Variants in PCNX2 observed in about 807,000 individuals in gnomAD.
PCNX2 encodes the protein pecanex 2.
PCNX2 carries 168 observed loss-of-function variants against 223.8 expected under a neutral mutation model. The observed-to-expected ratio is 0.75, with a 90% confidence interval of 0.66 to 0.85. The LOEUF is 0.85. PCNX2 is among the 40% of genes least tolerant of loss of function. The probability of loss-of-function intolerance (pLI) is 0.00; values close to 1 mark genes in which losing one functional copy is unlikely to be tolerated. For synonymous variants in PCNX2, 1,006 were observed against 1,052.6 expected (o/e 0.96, Z 0.86); for missense variants, 2,507 against 2,675.5 (o/e 0.94, Z 1.39).
At chr1:233,009,095 C>G (rs978339980) in intron 28 of PCNX2, among the ~76,000 whole-genome samples, 1 of 152,178 alleles carries the variant, frequency 6.6e-6, no homozygotes, top group African/African-American at 2.4e-5. Flanking sequence ...GAGACTCGCA[C>G]AAATCACTTC....
At chr1:233,182,388 G>T (rs765176499) in intron 15 of PCNX2, among the ~76,000 whole-genome samples, 71 of 152,134 alleles carry the variant, frequency 4.7e-4, no homozygotes, top group Middle Eastern at 3.4e-3. Flanking sequence ...CTTGTCCCAG[G>T]ACTACTGTTA....
chr1:233,275,135 T>C (rs1167880185), intron 1 of PCNX2, among the ~76,000 whole-genome samples: 1 of 152,190 alleles, frequency 6.6e-6, no homozygotes, highest in Non-Finnish European at 1.5e-5. Context: ...TTTGCTAGTG[T>C]TAGAATTTCA....
At chr1:233,037,860 G>C (rs1215677543) in intron 25 of PCNX2, among the ~76,000 whole-genome samples, 4 of 152,186 alleles carry the variant, frequency 2.6e-5, no homozygotes, top group African/African-American at 9.6e-5. Flanking sequence ...TTTTAAATGT[G>C]TTATAATACC....
At chr1:233,295,743 T>A (rs1241520784), upstream of PCNX2, 3 of 352,300 alleles carry the variant, frequency 8.5e-6, no homozygotes, top group African/African-American at 4.3e-5. The surrounding 1 kb of genome is among the most constrained non-coding windows in gnomAD (Gnocchi z 4.1). Context: ...TTTCCCATCG[T>A]GCTCAGAGGC....
chr1:233,074,835 T>C (rs923763283), intron 23 of PCNX2, among the ~76,000 whole-genome samples: 1 of 151,994 alleles, frequency 6.6e-6, no homozygotes, highest in Non-Finnish European at 1.5e-5. Context: ...TCAAAATCAT[T>C]TGCCATTAAG....
chr1:233,168,763 C>T (rs1343276356), intron 17 of PCNX2, among the ~76,000 whole-genome samples: 1 of 152,010 alleles, frequency 6.6e-6, no homozygotes, highest in Non-Finnish European at 1.5e-5. Context: ...AAGCATTTCA[C>T]AATCCTTGAT....
Position 232,991,478 on chromosome 1 carries a change from A to G in PCNX2, c.5792-4938T>C, listed in dbSNP as rs1369741057. Among the ~76,000 whole-genome samples the G allele has an allele frequency of 6.6e-6, 1 of 151,994 alleles. No individual in the cohort carries two copies. Among genetic ancestry groups the G allele is most frequent in the East Asian group, 1.9e-4 (1 of 5,174 alleles). ...GCGCGTGGGTGTTCCGGGCTGAATC[A>G]TGTTCCCTCCCCAGACTCCTCTGTT... is the stretch of plus-strand genomic sequence containing the variant. On this transcript the variant is annotated intron_variant, in intron 32 of 33. Transcript: ENST00000258229. The surrounding 1 kb of genome is among the most constrained non-coding windows in gnomAD (Gnocchi z 4.3).
At position 233,258,876 on chromosome 1, in the gene PCNX2, G is replaced by A; in HGVS notation, c.986C>T (p.Thr329Ile). 6.2e-7 allele frequency: 1 copy of A among 1,613,968 alleles called. No individual in the cohort carries two copies. Among genetic ancestry groups the A allele is most frequent in the Non-Finnish European group, 8.5e-7 (1 of 1,179,890 alleles). Residue 329 changes from threonine to isoleucine, a missense_variant, in exon 5 of 34, where the codon ACA (threonine) becomes ATA (isoleucine). Around this residue, in one of 3 missense-constraint regions of PCNX2, gnomAD observed 1,031 missense variants for 1,021.7 expected, o/e 1.01. Transcript: ENST00000258229. Reference sequence around the variant, plus strand: ...GCAGGAGGTATCTACCTGACAGGATGTGTCTGCTGGCTCCTCCACAGGCTT... The same window carrying A: ...GCAGGAGGTATCTACCTGACAGGATATGTCTGCTGGCTCCTCCACAGGCTT... Reference protein sequence around the residue: ...VAKPVEEPADTSCQVDTSCQG... With the variant: ...VAKPVEEPADISCQVDTSCQG...
chr1:233,116,643 A>C (rs571437197), intron 21 of PCNX2, among the ~76,000 whole-genome samples: 1 of 152,310 alleles, frequency 6.6e-6, no homozygotes, highest in Admixed American at 6.5e-5. Flanking sequence ...TGTGGAGCAC[A>C]GCTAAAGCAG....
intron 23 of PCNX2, among the ~76,000 whole-genome samples, chr1:233,072,509 T>C (rs1672901487): frequency 2.6e-5 from 4 of 152,206 alleles, no homozygotes. Flanking sequence ...TGTACTATAC[T>C]GTTTTAGTTA....
intron 8 of PCNX2, among the ~76,000 whole-genome samples, chr1:233,242,745 G>A (rs1658852598): frequency 6.6e-6 from 1 of 152,198 alleles, no homozygotes; most frequent in Non-Finnish European, 1.5e-5. Context: ...AACTTTCTAA[G>A]CAGCTTCACC....
intron 17 of PCNX2, among the ~76,000 whole-genome samples, chr1:233,167,306 C>T (rs535679866): frequency 6.6e-6 from 1 of 152,058 alleles, no homozygotes; most frequent in African/African-American, 2.4e-5. Flanking sequence ...AAGACAAATA[C>T]TGCGTGATTT....
At chr1:233,112,705 A>C (rs1260067212) in intron 21 of PCNX2, 2 of 711,488 alleles carry the variant, frequency 2.8e-6, no homozygotes, top group Non-Finnish European at 3.9e-6. Context: ...GTCTGTGTAG[A>C]TCTTTGAACA....
intron 21 of PCNX2, among the ~76,000 whole-genome samples, chr1:233,110,157 A>C (rs1207471809): frequency 6.6e-6 from 1 of 152,224 alleles, no homozygotes; most frequent in Non-Finnish European, 1.5e-5. Flanking sequence ...CAAATGAACA[A>C]ATGAATAAAT....
chr1:233,051,894 T>C (rs1672019502), intron 25 of PCNX2, among the ~76,000 whole-genome samples: 1 of 152,112 alleles, frequency 6.6e-6, no homozygotes, highest in Non-Finnish European at 1.5e-5. Context: ...AAAAGAACTT[T>C]TAAGAAAAGC....
At chr1:233,090,367 C>G (rs897885967) in intron 22 of PCNX2, among the ~76,000 whole-genome samples, 177 bp from the exon 23 acceptor site, 2 of 152,106 alleles carry the variant, frequency 1.3e-5, no homozygotes, top group African/African-American at 4.8e-5. Context: ...CAGTAGTACC[C>G]TGCTAGGTCT....
intron 23 of PCNX2, among the ~76,000 whole-genome samples, chr1:233,087,926 G>T (rs1258423971): frequency 3.3e-5 from 5 of 152,140 alleles, no homozygotes; most frequent in Non-Finnish European, 5.9e-5. Context: ...CACATACAGG[G>T]AACCTAGTGC....
intron 23 of PCNX2, among the ~76,000 whole-genome samples, chr1:233,061,845 G>A (rs1484758112): frequency 6.6e-6 from 1 of 151,912 alleles, no homozygotes; most frequent in South Asian, 2.1e-4. Flanking sequence ...TGCAACCTCC[G>A]CCTCCTGGGT....
Position 233,117,786 on chromosome 1 carries a change from G to A in PCNX2, c.3837+17227C>T, listed in dbSNP as rs367716696. Among the ~76,000 whole-genome samples, 344 of 150,888 alleles carry A rather than the reference G, an allele frequency of 2.3e-3. 1 individual carries two copies. Among genetic ancestry groups the A allele is most frequent in the African/African-American group, 7.8e-3 (320 of 41,164 alleles). ...AGCACTTTGGGAGGCCGAGGCGGGC[G>A]GATCACGAGGTCAGGAGATCGAGAC... On this transcript the variant is annotated intron_variant, in intron 21 of 33. Transcript: ENST00000258229.
Sources: gnomAD v4.1 joint callset for allele counts (sites outside exome capture counted in the v4.1 genomes callset) on GRCh38, gnomAD v4.1.1 for gene constraint, gnomAD v4.1.1 regional missense constraint, Gnocchi (gnomAD v3.1) non-coding constraint, MANE v1.5 for transcripts, NCBI Gene and HGNC (gene_info 2026-07-23, HGNC 2026-07-21) for gene names.